WDR3: variants seen among roughly 807,000 people sequenced by gnomAD.
The protein encoded by WDR3 is WD repeat domain 3, also known as WD repeat-containing protein 3.
Under a neutral mutation model 123.7 loss-of-function variants are expected in WDR3, and 81 were observed. The observed-to-expected ratio is 0.65, with a 90% CI of 0.55 to 0.79. WDR3 has a LOEUF of 0.79. Ranked by LOEUF, WDR3 falls within the 30% of genes least tolerant of loss-of-function variation. The pLI, the probability that WDR3 is intolerant of heterozygous loss-of-function variation, is 0.00. For synonymous variants in WDR3, 390 were observed against 388.8 expected (o/e 1.00, Z -0.04); for missense variants, 1,027 against 1,123.2 (o/e 0.91, Z 1.22).
rs1653145666 is a variant in WDR3, at chr1:117,961,858, C to T, written c.*2411C>T. On this transcript the variant is annotated 3_prime_UTR_variant, in exon 27 of 27. Transcript: ENST00000349139. ...GCATTCTAGGTGCTTTCCAAGGAGTCAGTGTTGTTTAGGCAGCTATTCCTG... is the reference window on the plus strand; with the variant it reads ...GCATTCTAGGTGCTTTCCAAGGAGTTAGTGTTGTTTAGGCAGCTATTCCTG... The T allele has an allele frequency of 6.6e-6, 1 of 152,366 alleles. No individual in the cohort carries two copies. The highest frequency in any genetic ancestry group is 1.5e-5 in the Non-Finnish European group (1 of 68,016). 9.4% of individuals were successfully genotyped at this position (152,366 alleles called of 1,614,324 possible).
Position 117,950,044 on chromosome 1 carries a change from T to G in WDR3, c.1660T>G (p.Cys554Gly). 1 of 1,614,048 alleles carries G rather than the reference T, an allele frequency of 6.2e-7. No homozygotes were observed. The highest frequency in any genetic ancestry group is 8.5e-7 in the Non-Finnish European group (1 of 1,179,954). The change falls in exon 15 of 27, where the codon TGT becomes GGT. Residue 554 changes from cysteine to glycine, a missense_variant. Coordinates refer to ENST00000349139, the MANE Select transcript of WDR3 (RefSeq NM_006784.3). ...RTLQLDEDVL[C>G]VSYSPNQKLL... ...TTTGCAACTAGATGAAGATGTTCTG[T>G]GTGTCAGTTACTCTCCCAATCAAAA...
At chr1:117,952,441 T>C (rs780365919) in intron 18 of WDR3, 33 bp downstream of exon 18, 1 of 1,602,304 alleles carries the variant, frequency 6.2e-7, no homozygotes, top group East Asian at 2.2e-5. Flanking sequence ...TGCTTGGTAC[T>C]TAAGAAATAC....
At chr1:117,930,152 G>T (rs1366113931) in intron 1 of WDR3, among the ~76,000 whole-genome samples, 1 of 152,210 alleles carries the variant, frequency 6.6e-6, no homozygotes, top group African/African-American at 2.4e-5. Context: ...GTGCATCTTG[G>T]AAACATCGTT....
At chr1:117,939,283 C>G (rs1274943982) in intron 5 of WDR3, among the ~76,000 whole-genome samples, 194 bp from the exon 6 acceptor site, 2 of 152,162 alleles carry the variant, frequency 1.3e-5, no homozygotes, top group African/African-American at 4.8e-5. Context: ...GTAACAATTT[C>G]ACCGCAGGCC....
At chr1:117,953,906 G>A in intron 21 of WDR3, 101 bp from the exon 22 acceptor site, 1 of 929,800 alleles carries the variant, frequency 1.1e-6, no homozygotes, top group Non-Finnish European at 1.7e-6. Flanking sequence ...ACAGATTGAA[G>A]CTATTTCATT....
At chr1:117,953,596 G>A (rs1207039170) in intron 21 of WDR3, 55 bp downstream of exon 21, 2 of 1,571,718 alleles carry the variant, frequency 1.3e-6, no homozygotes, top group East Asian at 2.3e-5. Flanking sequence ...CAACTTTTTA[G>A]TAAAAGTTTT....
At position 117,959,356 on chromosome 1, in the gene WDR3, A is replaced by G. The variant is rs1472811169; in HGVS notation, c.2741A>G (p.Glu914Gly). Residue 914 changes from glutamate (E) to glycine (G), a missense_variant, in exon 27 of 27, where the codon GAA becomes GGA. Transcript: ENST00000349139. The stretch of plus-strand genomic sequence containing the variant: ...AAGAGGGAATGCGAGGCAAAAAGTG[A>G]AGTTATGTTTTTTGCTGATGCTACT... ...YLKRECEAKS[E>G]VMFFADATSH... The G allele has an allele frequency of 6.2e-7, 1 of 1,613,926 alleles. No individual in the cohort carries two copies. Among genetic ancestry groups the G allele is most frequent in the Admixed American group, 1.7e-5 (1 of 60,010 alleles).
At chr1:117,959,102 A>T in intron 26 of WDR3, 99 bp downstream of exon 26, 1 of 1,314,790 alleles carries the variant, frequency 7.6e-7, no homozygotes, top group Non-Finnish European at 1.1e-6. Flanking sequence ...AATACCCACC[A>T]CCGATAAATC....
rs1651067359 is a variant in WDR3 at position 117,939,529 on chromosome 1, C to CAA, written c.633_634insAA (p.Asp212LysfsTer5). On this transcript the variant is annotated frameshift_variant, in exon 6 of 27. Coordinates refer to ENST00000349139, the MANE Select transcript of WDR3 (RefSeq NM_006784.3). LOFTEE classifies it high-confidence loss of function. ...GAAAAGCGACTCATCACTGGGGCCT[C>CAA]AGACAGTGAACTGAGGGTATGGGAC... 1.2e-6 allele frequency: 2 copies of CAA among 1,613,766 alleles called. No individual in the cohort carries two copies.
At position 117,960,970 on chromosome 1, in the gene WDR3, A is replaced by C. The variant is rs1456894344; in HGVS notation, c.*1523A>C. 6.6e-6 allele frequency: 1 copy of C among 152,124 alleles called. No individual in the cohort carries two copies. The highest frequency in any genetic ancestry group is 1.5e-5 in the Non-Finnish European group (1 of 68,030). 9.4% of individuals were successfully genotyped at this position (152,124 alleles called of 1,614,324 possible). The stretch of plus-strand genomic sequence containing the variant: ...TTTCTCATTGTTTCAGATCTCCAAA[A>C]ATTTTTCCAATATATTTATTGAAAA... On this transcript the variant is annotated 3_prime_UTR_variant, in exon 27 of 27. Transcript: ENST00000349139.
intron 15 of WDR3, 138 bp from the exon 16 acceptor site, chr1:117,950,696 G>A (rs1651577726): frequency 2.7e-6 from 2 of 733,190 alleles, no homozygotes; most frequent in Non-Finnish European, 4.5e-6. Flanking sequence ...CTGCCAAGCT[G>A]TCTTTTGTGG....
In WDR3 at chr1:117,950,053, T is replaced by C. The variant is rs1651553029; in HGVS notation, c.1669T>C (p.Tyr557His). ...AGATGAAGATGTTCTGTGTGTCAGT[T>C]ACTCTCCCAATCAAAAGCTATTGGC... is the stretch of plus-strand genomic sequence containing the variant. Reference protein sequence around the residue: ...QLDEDVLCVSYSPNQKLLAVS... With the variant: ...QLDEDVLCVSHSPNQKLLAVS... Residue 557 changes from tyrosine to histidine, a missense_variant, in exon 15 of 27, where the codon TAC (tyrosine) becomes CAC (histidine). By Grantham distance (83) the Tyr-to-His change is moderately conservative. Coordinates refer to ENST00000349139, the MANE Select transcript of WDR3 (RefSeq NM_006784.3). The C allele has an allele frequency of 6.2e-7, 1 of 1,614,068 alleles. No individual in the cohort carries two copies.
At chr1:117,949,492 G>T (rs972164493) in intron 13 of WDR3, among the ~76,000 whole-genome samples, 9 of 151,984 alleles carry the variant, frequency 5.9e-5, no homozygotes, top group Admixed American at 5.9e-4. Flanking sequence ...GTTTCTTCTT[G>T]ATGCTAGATA....
Position 117,952,395 on chromosome 1 carries a change from T to A in WDR3, c.2003T>A (p.Ile668Lys). The A allele has an allele frequency of 6.2e-7, 1 of 1,612,634 alleles. No individual in the cohort carries two copies. The highest frequency in any genetic ancestry group is 1.3e-5 in the African/African-American group (1 of 74,982). Residue 668 changes from isoleucine (I) to lysine (K), a missense_variant, in exon 18 of 27, where the codon ATA (isoleucine) becomes AAA (lysine). Physicochemically the swap from Ile to Lys is moderately radical, Grantham distance 102. Coordinates refer to ENST00000349139, the MANE Select transcript of WDR3 (RefSeq NM_006784.3). ...TGGGATGCAGACAAATTTGAACACA[T>A]ACAGACTCTGGAGGTAACCACATGC... ...KQWDADKFEH[I>K]QTLEGHHQEI...
At position 117,960,120 on chromosome 1, in the gene WDR3, G is replaced by GTGTA. The variant is rs1652844501; in HGVS notation, c.*676_*677insATGT. ...GGAATTAATACACTCGTGTGTGTGTGTGTGTGTGTGTGTGTGTGTGTGTGT... is the reference window on the plus strand; with the variant it reads ...GGAATTAATACACTCGTGTGTGTGTGTGTATGTGTGTGTGTGTGTGTGTGTGTGT... On this transcript the variant is annotated 3_prime_UTR_variant, in exon 27 of 27. Transcript: ENST00000349139. 6.8e-6 allele frequency: 1 copy of GTGTA among 146,672 alleles called. No homozygotes were observed. Among genetic ancestry groups the GTGTA allele is most frequent in the Admixed American group, 6.7e-5 (1 of 14,980 alleles). The allele number at this position is 146,672 out of a possible 1,614,324, so 9.1% of individuals were successfully genotyped here.
intron 24 of WDR3, among the ~76,000 whole-genome samples, chr1:117,956,596 T>C (rs542119740): frequency 6.6e-6 from 1 of 152,310 alleles, no homozygotes; most frequent in East Asian, 1.9e-4. Flanking sequence ...AGATTTTAAA[T>C]TGGAATTGAT....
Position 117,963,957 on chromosome 1 carries a change from G to T in WDR3, c.*4510G>T, listed in dbSNP as rs1457233193. On this transcript the variant is annotated 3_prime_UTR_variant, in exon 27 of 27. Transcript: ENST00000349139. ...AAAACAGGTAAAATACTTGTTAAGG[G>T]CTGTGCTTTTCATGACTAAATTATT... 2 of 1,601,812 alleles carry T rather than the reference G, an allele frequency of 1.2e-6. No individual in the cohort carries two copies. The highest frequency in any genetic ancestry group is 1.7e-5 in the Admixed American group (1 of 57,402).
At chr1:117,935,744 A>C (rs1650920782) in intron 3 of WDR3, among the ~76,000 whole-genome samples, 1 of 152,050 alleles carries the variant, frequency 6.6e-6, no homozygotes, top group Non-Finnish European at 1.5e-5. Context: ...ATAGCAAGGT[A>C]GAAAAGGACT....
intron 11 of WDR3, among the ~76,000 whole-genome samples, chr1:117,944,072 C>G (rs111382121): frequency 6.6e-6 from 1 of 152,162 alleles, no homozygotes; most frequent in African/African-American, 2.4e-5. Flanking sequence ...ATAACCCTCT[C>G]TCACCCCTGC....
Sources: gnomAD v4.1 joint callset for allele counts (sites outside exome capture counted in the v4.1 genomes callset) on GRCh38, gnomAD v4.1.1 for gene constraint, MANE v1.5 for transcripts, NCBI Gene and HGNC (gene_info 2026-07-23, HGNC 2026-07-21) for gene names.